The following THTPA variants were observed in gnomAD, a reference collection of about 807,000 sequenced individuals.
THTPA encodes the protein thiamine-triphosphatase.
THTPA carries 16 observed loss-of-function variants against 16.5 expected under a neutral mutation model. The ratio of observed to expected loss-of-function variants is 0.97; its 90% CI spans 0.66 to 1.47. THTPA has a LOEUF of 1.47. Among genes scored for constraint, THTPA ranks in the 40% most tolerant of loss-of-function variants. The pLI is 0.00. For synonymous variants in THTPA, 110 were observed against 115.5 expected (o/e 0.95, Z 0.30); for missense variants, 281 against 280.9 (o/e 1.00, Z 0.00).
upstream of THTPA, among the ~76,000 whole-genome samples, chr14:23,552,762 C>A (rs1377052355): frequency 6.6e-6 from 1 of 151,896 alleles, no homozygotes; most frequent in Non-Finnish European, 1.5e-5. Context: ...CCACCATGCC[C>A]TGCTAATTTT....
At chr14:23,540,338 CT>C in the THTPA span, among the ~76,000 whole-genome samples, 1 of 152,220 alleles carries the variant, frequency 6.6e-6, no homozygotes, top group Non-Finnish European at 1.5e-5. Context: ...AATCTACCCA[CT>C]TTCCCTTAGA....
chr14:23,517,309 A>C, the THTPA span, among the ~76,000 whole-genome samples: 1 of 152,088 alleles, frequency 6.6e-6, no homozygotes, highest in African/African-American at 2.4e-5. Context: ...TCTTTCCCCA[A>C]ACTTGATGGG....
the THTPA span, among the ~76,000 whole-genome samples, chr14:23,537,311 C>T: frequency 1.3e-5 from 2 of 152,004 alleles, no homozygotes; most frequent in African/African-American, 4.8e-5. Flanking sequence ...CCCCCAAGGT[C>T]CCAGTTGGCC....
chr14:23,533,121 A>T, the THTPA span: 15 of 1,481,610 alleles, frequency 1.0e-5, no homozygotes, highest in Non-Finnish European at 1.1e-5. This position sits in a 1 kb window ranked among gnomAD's most constrained non-coding sequence, Gnocchi z 4.8. Context: ...CCAAGAAAGA[A>T]ATGGGGCACG....
the THTPA span, chr14:23,524,494 G>T: frequency 3.3e-6 from 5 of 1,529,144 alleles, no homozygotes; most frequent in Non-Finnish European, 4.4e-6. This position sits in a 1 kb window ranked among gnomAD's most constrained non-coding sequence, Gnocchi z 5.6. Context: ...CCACCAGGGG[G>T]TTTCTCTCCC....
the THTPA span, chr14:23,522,236 C>T: frequency 3.1e-5 from 45 of 1,474,700 alleles, no homozygotes; most frequent in Admixed American, 5.5e-4. Context: ...TGGCATGGAG[C>T]CCCCAGAGCC....
At chr14:23,552,640 C>T (rs765233398), upstream of THTPA, among the ~76,000 whole-genome samples, 13 of 151,780 alleles carry the variant, frequency 8.6e-5, no homozygotes, top group South Asian at 2.1e-4. Flanking sequence ...GTCACTCTGT[C>T]GCCCAGGCTG....
the THTPA span, chr14:23,522,838 G>A: frequency 1.3e-6 from 2 of 1,533,248 alleles, no homozygotes; most frequent in East Asian, 4.9e-5. Flanking sequence ...GGTCGGGCAT[G>A]GGTCTCTGAG....
At chr14:23,525,781 C>G in the THTPA span, 29 of 1,500,714 alleles carry the variant, frequency 1.9e-5, no homozygotes, top group Non-Finnish European at 2.4e-5. The surrounding 1 kb of genome is among the most constrained non-coding windows in gnomAD (Gnocchi z 5.9). Flanking sequence ...CTGGCAGGGA[C>G]AGCACAGGTG....
At chr14:23,538,504 C>T in the THTPA span, among the ~76,000 whole-genome samples, 1 of 152,048 alleles carries the variant, frequency 6.6e-6, no homozygotes. Flanking sequence ...CTACCTTGAA[C>T]TGGAGACAGT....
chr14:23,543,083 G>A, the THTPA span: 1 of 152,196 alleles, frequency 6.6e-6, no homozygotes, highest in African/African-American at 2.4e-5. Flanking sequence ...ATTTTATTCT[G>A]TGAACCTGTG....
the THTPA span, chr14:23,529,484 G>A: frequency 1.8e-6 from 1 of 542,262 alleles, no homozygotes. Flanking sequence ...TCAAGTTCCT[G>A]CTGTCTCCCT....
At position 23,560,008 on chromosome 14, in the gene THTPA, CT is replaced by C; in HGVS notation, c.*1169del. 6.2e-7 allele frequency: 1 copy of C among 1,611,372 alleles called. No homozygotes were observed. Among genetic ancestry groups the C allele is most frequent in the South Asian group, 1.1e-5 (1 of 90,808 alleles). ...ACCCCGAGCTGGAACTGTGTTCCCA[CT>C]GGGGGCCTGCAGCTGCAGCTGGAGA... is the stretch of plus-strand genomic sequence containing the variant. On this transcript the variant is annotated 3_prime_UTR_variant, in exon 2 of 2. Transcript: ENST00000288014.
chr14:23,556,684 G>T lies in THTPA; in HGVS notation c.-74G>T. ...GGGAGGGGTTCTGTACTGAGTTGAC[G>T]CCCCAGGAGCTGAGCACCAGGCTTT... On this transcript the variant is annotated 5_prime_UTR_variant, in exon 1 of 2. Coordinates refer to ENST00000288014, the MANE Select transcript of THTPA (RefSeq NM_024328.6). 6.7e-7 allele frequency: 1 copy of T among 1,496,986 alleles called. No individual in the cohort carries two copies. The highest frequency in any genetic ancestry group is 2.1e-5 in the Admixed American group (1 of 47,816). 92.7% of individuals were successfully genotyped at this position (1,496,986 alleles called of 1,614,324 possible). A position where few individuals can be genotyped will look rare whatever the true frequency, so the allele number is the denominator to read the frequency against.
chr14:23,535,066 G>A, the THTPA span: 1 of 1,536,274 alleles, frequency 6.5e-7, no homozygotes, highest in Non-Finnish European at 8.7e-7. This position sits in a 1 kb window ranked among gnomAD's most constrained non-coding sequence, Gnocchi z 4.5. Flanking sequence ...TGGGTCATTT[G>A]GTGGGAAGTG....
At position 23,558,798 on chromosome 14, in the gene THTPA, G is replaced by A; in HGVS notation, c.651G>A (p.Glu217=). The A allele has an allele frequency of 1.2e-6, 2 of 1,614,202 alleles. No homozygotes were observed. The highest frequency in any genetic ancestry group is 1.7e-6 in the Non-Finnish European group (2 of 1,180,042). ...QRLLEVNSSR[E]RPQETEDPDH... ...TGCTAGAAGTGAACAGCTCCAGAGAGAGGCCACAGGAGACTGAAGATCCTG... is the reference window on the plus strand; with the variant it reads ...TGCTAGAAGTGAACAGCTCCAGAGAAAGGCCACAGGAGACTGAAGATCCTG... The change falls in exon 2 of 2, where the codon GAG becomes GAA. Residue 217 remains glutamate (E), a synonymous_variant. Transcript: ENST00000288014.
Position 23,556,940 on chromosome 14 carries a change from A to G in THTPA, c.183A>G (p.Gly61=), listed in dbSNP as rs1474782657. 2.5e-6 allele frequency: 4 copies of G among 1,614,104 alleles called. No homozygotes were observed. Among genetic ancestry groups the G allele is most frequent in the Non-Finnish European group, 3.4e-6 (4 of 1,180,006 alleles). The change falls in exon 1 of 2, where the codon GGA becomes GGG. Residue 61 remains glycine (G), a synonymous_variant. Transcript: ENST00000288014. Reference sequence around the variant, plus strand: ...GGCTGCGACGACGAGAGGATAGTGGATGGGAGCTCAAATGTCCTGGAGCAG... The same window carrying G: ...GGCTGCGACGACGAGAGGATAGTGGGTGGGAGCTCAAATGTCCTGGAGCAG... ...DHWLRRREDS[G]WELKCPGAAG... is the part of the protein sequence containing the mutation.
At chr14:23,520,688 G>A in the THTPA span, among the ~76,000 whole-genome samples, 6 of 152,028 alleles carry the variant, frequency 3.9e-5, no homozygotes, top group African/African-American at 7.3e-5. This position sits in a 1 kb window ranked among gnomAD's most constrained non-coding sequence, Gnocchi z 8.7. Flanking sequence ...CGCATAGCAG[G>A]GGAGGGCTGC....
the THTPA span, chr14:23,514,536 T>C: frequency 6.6e-6 from 1 of 152,288 alleles, no homozygotes; most frequent in Non-Finnish European, 1.5e-5. Flanking sequence ...CTTGAACAAG[T>C]GAGGTGTCTG....
Sources: gnomAD v4.1 joint callset for allele counts (sites outside exome capture counted in the v4.1 genomes callset) on GRCh38, gnomAD v4.1.1 for gene constraint, Gnocchi (gnomAD v3.1) non-coding constraint, MANE v1.5 for transcripts, NCBI Gene and HGNC (gene_info 2026-07-23, HGNC 2026-07-21) for gene names.